Variants in NAA35 observed in about 807,000 individuals in gnomAD.
The protein encoded by NAA35 is MAK10 homolog, amino-acid N-acetyltransferase subunit.
Under a neutral mutation model 101.7 loss-of-function variants are expected in NAA35, and 18 were observed. The observed-to-expected ratio is 0.18, with a 90% CI of 0.12 to 0.26. NAA35 has a LOEUF of 0.26. Among genes scored for constraint, NAA35 ranks in the 10% least tolerant of loss-of-function variants. The pLI, the probability that NAA35 is intolerant of heterozygous loss-of-function variation, is 1.00. For synonymous variants in NAA35, 267 were observed against 273.1 expected (o/e 0.98, Z 0.22); for missense variants, 601 against 886.8 (o/e 0.68, Z 4.09).
chr9:85,988,576 G>T (rs922767515), intron 11 of NAA35, among the ~76,000 whole-genome samples: 1 of 152,182 alleles, frequency 6.6e-6, no homozygotes, highest in African/African-American at 2.4e-5. Context: ...GAGGCAGGCA[G>T]ATCACCTGAG....
In NAA35 at chr9:85,962,045, G is replaced by A. The variant is rs747326994; in HGVS notation, c.381G>A (p.Gln127=). ...ITWLEGHSLA[Q]TVFTCLYIHN... ...GGTTAGAAGGCCATTCACTGGCACA[G>A]ACAGTATTTACGTGCCTTTACATTC... Residue 127 remains glutamine (Q), a synonymous_variant, in exon 6 of 23, where the codon CAG becomes CAA. Transcript: ENST00000361671. 6.2e-7 allele frequency: 1 copy of A among 1,613,256 alleles called. No homozygotes were observed. Among genetic ancestry groups the A allele is most frequent in the East Asian group, 2.2e-5 (1 of 44,874 alleles).
Position 86,025,122 on chromosome 9 carries a change from G to A in NAA35, c.*3162G>A, listed in dbSNP as rs1291214957. 2.0e-5 allele frequency among the ~76,000 whole-genome samples: 3 copies of A among 152,198 alleles called. No homozygotes were observed. The highest frequency in any genetic ancestry group is 2.0e-4 in the Admixed American group (3 of 15,276). Reference sequence around the variant, plus strand: ...AATAAAGTGCACCCTGTTTGGAAAAGTTCAGGAGAGGTGGGTGTTTTCCTT... The same window carrying A: ...AATAAAGTGCACCCTGTTTGGAAAAATTCAGGAGAGGTGGGTGTTTTCCTT... On this transcript the variant is annotated 3_prime_UTR_variant, in exon 23 of 23. Coordinates refer to ENST00000361671, the MANE Select transcript of NAA35 (RefSeq NM_024635.4).
intron 6 of NAA35, among the ~76,000 whole-genome samples, chr9:85,969,035 GCTC>G (rs1829883358): frequency 6.6e-6 from 1 of 151,908 alleles, no homozygotes; most frequent in Non-Finnish European, 1.5e-5. Context: ...TTTTGAAAAT[GCTC>G]CTCTTGAAGT....
At chr9:85,970,479 C>T (rs1389192008) in intron 6 of NAA35, among the ~76,000 whole-genome samples, 2 of 152,142 alleles carry the variant, frequency 1.3e-5, no homozygotes, top group East Asian at 1.9e-4. Flanking sequence ...TGGCGGATAG[C>T]ACCTTAGTCA....
Position 85,950,564 on chromosome 9 carries a change from C to T in NAA35, c.125-5796C>T, listed in dbSNP as rs372070357. ...CCTGATTACTGAAGTTCTAAGGAATCTTACGAGTCATCTAGTCTAACCTTT... is the reference window on the plus strand; with the variant it reads ...CCTGATTACTGAAGTTCTAAGGAATTTTACGAGTCATCTAGTCTAACCTTT... On this transcript the variant is annotated intron_variant, in intron 2 of 22. Coordinates refer to ENST00000361671, the MANE Select transcript of NAA35 (RefSeq NM_024635.4). Among the ~76,000 whole-genome samples the T allele has an allele frequency of 1.2e-3, 188 of 152,232 alleles. 4 individuals carry two copies. In the South Asian group the frequency reaches 0.033, roughly 27 times the overall value.
intron 17 of NAA35, among the ~76,000 whole-genome samples, chr9:86,014,180 T>G (rs184460450): frequency 1.1e-4 from 16 of 152,332 alleles, no homozygotes; most frequent in Admixed American, 8.5e-4. Flanking sequence ...GGAGAAAAAT[T>G]AACACATTTT....
intron 12 of NAA35, among the ~76,000 whole-genome samples, chr9:85,997,806 G>A (rs576389395): frequency 2.6e-5 from 4 of 152,094 alleles, no homozygotes; most frequent in Non-Finnish European, 5.9e-5. Flanking sequence ...TAAGAGTGGG[G>A]ATTGAACTCT....
intron 11 of NAA35, among the ~76,000 whole-genome samples, chr9:85,984,437 A>G (rs1587617235): frequency 6.6e-6 from 1 of 152,228 alleles, no homozygotes; most frequent in East Asian, 1.9e-4. Context: ...GCACACCAGA[A>G]TGAAAATTGA....
At chr9:86,004,030 A>G (rs2118339470) in intron 13 of NAA35, among the ~76,000 whole-genome samples, 1 of 152,318 alleles carries the variant, frequency 6.6e-6, no homozygotes, top group South Asian at 2.1e-4. Flanking sequence ...GAACTGAATG[A>G]AAATTAAAAT....
At position 85,956,341 on chromosome 9, in the gene NAA35, T is replaced by C; in HGVS notation, c.125-19T>C. On this transcript the variant is annotated intron_variant, in intron 2 of 22. Transcript: ENST00000361671. ...TAAATATAAATATGTTCAAAGGGTT[T>C]TTCTCTTTTTTTTTTTAGAATTAAA... The C allele has an allele frequency of 7.4e-7, 1 of 1,352,458 alleles. No individual in the cohort carries two copies. Among genetic ancestry groups the C allele is most frequent in the African/African-American group, 1.5e-5 (1 of 66,934 alleles). The allele number at this position is 1,352,458 out of a possible 1,614,324, so 83.8% of individuals were successfully genotyped here.
chr9:85,953,341 G>A (rs767569097), intron 2 of NAA35, among the ~76,000 whole-genome samples: 4 of 151,024 alleles, frequency 2.6e-5, no homozygotes, highest in Non-Finnish European at 5.9e-5. Flanking sequence ...CTTATCTTGT[G>A]AAGCTAAAAT....
chr9:85,962,761 G>A (rs1829577179), intron 6 of NAA35, among the ~76,000 whole-genome samples: 1 of 152,158 alleles, frequency 6.6e-6, no homozygotes, highest in Non-Finnish European at 1.5e-5. Flanking sequence ...GTTTTTGGAT[G>A]TTGTGGGGAT....
chr9:85,950,811 T>C (rs1439413321), intron 2 of NAA35, among the ~76,000 whole-genome samples: 1 of 152,188 alleles, frequency 6.6e-6, no homozygotes, highest in African/African-American at 2.4e-5. Context: ...TATTATAATT[T>C]AAAACTGAGA....
intron 5 of NAA35, among the ~76,000 whole-genome samples, chr9:85,960,867 G>T (rs1226425531): frequency 1.3e-5 from 2 of 152,242 alleles, no homozygotes; most frequent in Non-Finnish European, 2.9e-5. Flanking sequence ...AGGTACTAAA[G>T]AATGGTAGGC....
chr9:85,952,576 T>A (rs1440556118), intron 2 of NAA35, among the ~76,000 whole-genome samples: 2 of 152,132 alleles, frequency 1.3e-5, no homozygotes, highest in Non-Finnish European at 2.9e-5. Flanking sequence ...TGAGCCATTG[T>A]GCCTGGCTGT....
intron 1 of NAA35, 95 bp from the exon 2 acceptor site, chr9:85,942,060 A>G: frequency 1.3e-6 from 2 of 1,515,470 alleles, no homozygotes; most frequent in East Asian, 4.5e-5. Flanking sequence ...AGTTTAGTTA[A>G]GACTTCATCC....
At chr9:85,994,028 A>C (rs1326958472) in intron 11 of NAA35, among the ~76,000 whole-genome samples, 1 of 151,588 alleles carries the variant, frequency 6.6e-6, no homozygotes, top group African/African-American at 2.4e-5. Flanking sequence ...AATATATGCT[A>C]AACAGTATTA....
intron 6 of NAA35, among the ~76,000 whole-genome samples, chr9:85,970,632 A>G (rs556275409): frequency 4.0e-4 from 61 of 152,332 alleles, no homozygotes; most frequent in African/African-American, 1.3e-3. Context: ...AATATCAGGC[A>G]CACCCATTAC....
intron 5 of NAA35, among the ~76,000 whole-genome samples, chr9:85,960,792 AGAG>A (rs922588716): frequency 6.6e-6 from 1 of 152,228 alleles, no homozygotes; most frequent in African/African-American, 2.4e-5. Flanking sequence ...GTGGGAACAG[AGAG>A]GAGGAGTTAA....
Sources: allele counts gnomAD v4.1 joint callset (sites outside exome capture counted in the v4.1 genomes callset), GRCh38; gene constraint gnomAD v4.1.1; transcripts MANE v1.5; gene names NCBI Gene and HGNC (gene_info 2026-07-23, HGNC 2026-07-21).